SLC9A9: variants seen among roughly 807,000 people sequenced by gnomAD.
SLC9A9 encodes sodium/hydrogen exchanger 9.
SLC9A9 carries 62 observed loss-of-function variants against 77.8 expected under a neutral mutation model. The ratio of observed to expected loss-of-function variants is 0.80; its 90% CI spans 0.65 to 0.98. SLC9A9 has a LOEUF of 0.98. Among genes scored for constraint, SLC9A9 ranks in the 50% least tolerant of loss-of-function variants. The probability of loss-of-function intolerance (pLI) is 0.00; values close to 1 mark genes in which losing one functional copy is unlikely to be tolerated. For synonymous variants in SLC9A9, 320 were observed against 283.5 expected (o/e 1.13, Z -1.29); for missense variants, 775 against 774.9 (o/e 1.00, Z 0.00).
At chr3:143,834,792 T>C (rs543027139) in intron 1 of SLC9A9, among the ~76,000 whole-genome samples, 4 of 152,182 alleles carry the variant, frequency 2.6e-5, no homozygotes, top group Admixed American at 6.5e-5. Context: ...AAGAAGCACA[T>C]TGAAGTGAAC....
At chr3:143,705,253 C>T (rs1933939354) in intron 4 of SLC9A9, among the ~76,000 whole-genome samples, 1 of 151,784 alleles carries the variant, frequency 6.6e-6, no homozygotes, top group Non-Finnish European at 1.5e-5. Context: ...AATAATTGAA[C>T]TCACAGAAAT....
intron 8 of SLC9A9, among the ~76,000 whole-genome samples, chr3:143,569,135 C>G (rs2037219025): frequency 6.6e-6 from 1 of 151,748 alleles, no homozygotes; most frequent in Non-Finnish European, 1.5e-5. Flanking sequence ...TAATGTACCC[C>G]AATTATAATT....
At position 143,497,313 on chromosome 3, in the gene SLC9A9, G is replaced by C. The variant is rs189105962; in HGVS notation, c.1090-1865C>G. Among the ~76,000 whole-genome samples the C allele has an allele frequency of 7.2e-5, 11 of 152,154 alleles. No individual in the cohort carries two copies. In the East Asian group the frequency reaches 2.1e-3, roughly 29 times the overall value. ...TGGCCTTACTCCAATTTCCCTCTGA[G>C]GGCCCACTTCATTCCCTACTCTCAG... On this transcript the variant is annotated intron_variant, in intron 9 of 15. Transcript: ENST00000316549.
At chr3:143,715,271 A>G (rs1411466703) in intron 4 of SLC9A9, among the ~76,000 whole-genome samples, 1 of 152,170 alleles carries the variant, frequency 6.6e-6, no homozygotes, top group Non-Finnish European at 1.5e-5. Context: ...CACTGCTCCA[A>G]TCAGGTGGTC....
chr3:143,619,445 A>G (rs1231378110), intron 6 of SLC9A9, among the ~76,000 whole-genome samples: 1 of 152,270 alleles, frequency 6.6e-6, no homozygotes, highest in African/African-American at 2.4e-5. Context: ...TCAAATTTGC[A>G]AAAATTTACA....
intron 4 of SLC9A9, among the ~76,000 whole-genome samples, chr3:143,780,481 T>C (rs988705731): frequency 6.6e-6 from 1 of 152,224 alleles, no homozygotes; most frequent in Non-Finnish European, 1.5e-5. Context: ...TTAAAAGTTT[T>C]TACGCAATCA....
Position 143,748,745 on chromosome 3 carries a change from G to A in SLC9A9, c.533+46256C>T, listed in dbSNP as rs181076767. On this transcript the variant is annotated intron_variant, in intron 4 of 15. Transcript: ENST00000316549. ...GGAGTCTCGCTCTGTCGCCCAGGCC[G>A]GACTGCGGACTGCAGTGGCGCAATC... Among the ~76,000 whole-genome samples, 685 of 141,136 alleles carry A rather than the reference G, an allele frequency of 4.9e-3. 3 individuals are homozygous for A. Among genetic ancestry groups the A allele is most frequent in the Non-Finnish European group, 8.1e-3 (540 of 66,796 alleles). The allele number at this position is 141,136 out of a possible 152,430, so 92.6% of individuals were successfully genotyped here.
intron 5 of SLC9A9, among the ~76,000 whole-genome samples, chr3:143,664,157 T>G (rs1023378681): frequency 8.5e-5 from 13 of 152,094 alleles, no homozygotes; most frequent in Non-Finnish European, 1.0e-4. Context: ...CAAGCCAGAA[T>G]AGAGTGGGGG....
intron 2 of SLC9A9, among the ~76,000 whole-genome samples, chr3:143,816,582 C>T (rs1453840201): frequency 6.6e-6 from 1 of 151,996 alleles, no homozygotes; most frequent in Non-Finnish European, 1.5e-5. Context: ...ATTTTTTTCC[C>T]TTCTCTTGTT....
chr3:143,666,791 T>C (rs1191532424), intron 5 of SLC9A9, among the ~76,000 whole-genome samples: 1 of 152,120 alleles, frequency 6.6e-6, no homozygotes, highest in East Asian at 1.9e-4. Flanking sequence ...GAAGGACCTC[T>C]TCAAGGAGAA....
chr3:143,608,212 T>A (rs77016060), intron 6 of SLC9A9, among the ~76,000 whole-genome samples: 2,172 of 152,306 alleles, frequency 0.014, 54 homozygotes, highest in African/African-American at 0.049. Flanking sequence ...CCTCCTTTTT[T>A]ATTTTTCTGG....
chr3:143,505,299 C>A (rs2035993241), intron 9 of SLC9A9, among the ~76,000 whole-genome samples: 1 of 152,174 alleles, frequency 6.6e-6, no homozygotes. Context: ...TTCCAAATAA[C>A]CCTCTTTTCA....
intron 14 of SLC9A9, among the ~76,000 whole-genome samples, chr3:143,330,613 C>A (rs1265155952): frequency 6.6e-6 from 1 of 152,200 alleles, no homozygotes. Context: ...TCCTGAAAAT[C>A]ATAAAATGTC....
At chr3:143,618,552 T>G (rs1416273652) in intron 6 of SLC9A9, among the ~76,000 whole-genome samples, 1 of 152,154 alleles carries the variant, frequency 6.6e-6, no homozygotes, top group African/African-American at 2.4e-5. Flanking sequence ...CTTCCCACTC[T>G]TTCCTAATTC....
In SLC9A9 at chr3:143,796,830, T is replaced by C; in HGVS notation, c.452A>G (p.Lys151Arg). ...PIIFHAGYSL[K>R]KRHFFQNLGS... The stretch of plus-strand genomic sequence containing the variant: ...AAATGATCACTATATATTTACCTTC[T>C]TTAGACTATATCCTGCATGAAATAT... The change falls in exon 3 of 16, where the codon AAG becomes AGG. Residue 151 changes from lysine to arginine, a missense_variant. By Grantham distance (26) the Lys-to-Arg change is conservative. Transcript: ENST00000316549. 6.2e-7 allele frequency: 1 copy of C among 1,604,266 alleles called. No individual in the cohort carries two copies.
In SLC9A9 at chr3:143,467,142, G is replaced by A. The variant is rs759376193; in HGVS notation, c.1364C>T (p.Ser455Phe). The A allele has an allele frequency of 1.2e-6, 2 of 1,614,202 alleles. No individual in the cohort carries two copies. Among genetic ancestry groups the A allele is most frequent in the African/African-American group, 1.3e-5 (1 of 75,070 alleles). Reference sequence around the variant, plus strand: ...GGTAAACATCATTTGTTTGGGCTGAGATTCTGTGTTCCGAATAGCTAAGGC... The same window carrying A: ...GGTAAACATCATTTGTTTGGGCTGAAATTCTGTGTTCCGAATAGCTAAGGC... The part of the protein sequence containing the change: ...AFALAIRNTE[S>F]QPKQMMFTTT... Residue 455 changes from serine to phenylalanine, a missense_variant, in exon 12 of 16, where the codon TCT becomes TTT. By Grantham distance (155) the Ser-to-Phe change is radical. Coordinates refer to ENST00000316549, the MANE Select transcript of SLC9A9 (RefSeq NM_173653.4).
chr3:143,672,162 A>C (rs1330527724), intron 5 of SLC9A9, among the ~76,000 whole-genome samples: 1 of 149,934 alleles, frequency 6.7e-6, no homozygotes, highest in Non-Finnish European at 1.5e-5. Flanking sequence ...GTACTGAAGG[A>C]ACTACTTTGT....
At chr3:143,398,070 T>C (rs1457400868) in intron 12 of SLC9A9, among the ~76,000 whole-genome samples, 1 of 152,110 alleles carries the variant, frequency 6.6e-6, no homozygotes. Flanking sequence ...ATTCAAAACA[T>C]GAAATTCTAA....
At chr3:143,461,371 C>T (rs2035188961) in intron 12 of SLC9A9, among the ~76,000 whole-genome samples, 1 of 152,116 alleles carries the variant, frequency 6.6e-6, no homozygotes, top group Admixed American at 6.6e-5. Flanking sequence ...ACCATGCTTT[C>T]ATAAATATAA....
Sources: allele counts gnomAD v4.1 joint callset (sites outside exome capture counted in the v4.1 genomes callset), GRCh38; gene constraint gnomAD v4.1.1; transcripts MANE v1.5; gene names NCBI Gene and HGNC (gene_info 2026-07-23, HGNC 2026-07-21).